The following GUF1 variants were observed in gnomAD, a reference collection of about 807,000 sequenced individuals.
GUF1 encodes the protein GTP binding elongation factor GUF1.
Under a neutral mutation model 82.4 loss-of-function variants are expected in GUF1, and 78 were observed. The ratio of observed to expected loss-of-function variants is 0.95; its 90% confidence interval spans 0.79 to 1.14. The LOEUF is 1.14. GUF1 is among the 50% of genes most tolerant of loss of function. The probability of loss-of-function intolerance (pLI) is 0.00; values close to 1 mark genes in which losing one functional copy is unlikely to be tolerated. For synonymous variants in GUF1, 279 were observed against 282.3 expected (o/e 0.99, Z 0.12); for missense variants, 814 against 798.2 (o/e 1.02, Z -0.24).
At chr4:44,695,328 TTAAAA>T (rs1199989611) in intron 14 of GUF1, among the ~76,000 whole-genome samples, 3 of 152,316 alleles carry the variant, frequency 2.0e-5, no homozygotes, top group East Asian at 1.9e-4. Context: ...AGATAACTGT[TTAAAA>T]TAATCATTCC....
Position 44,694,502 on chromosome 4 carries a change from T to A in GUF1, c.1704T>A (p.Thr568=), listed in dbSNP as rs373878710. Residue 568 remains threonine (T), a synonymous_variant, in exon 14 of 17, where the codon ACT becomes ACA. Coordinates refer to ENST00000281543, the MANE Select transcript of GUF1 (RefSeq NM_021927.3). ...GAAATACTGTAGAGGAGCTAGTAAC[T>A]GTTGTACACAAGTAAGTTCAATAGA... The part of the protein sequence containing the change: ...LNGNTVEELV[T]VVHKDKAHSI... The A allele has an allele frequency of 2.7e-5, 42 of 1,558,962 alleles. No homozygotes were observed. The highest frequency in any genetic ancestry group is 3.7e-5 in the Non-Finnish European group (42 of 1,132,816).
intron 15 of GUF1, 114 bp downstream of exon 15, chr4:44,695,848 A>AC (rs1219361260): frequency 1.9e-6 from 2 of 1,039,632 alleles, no homozygotes; most frequent in African/African-American, 1.6e-5. Flanking sequence ...TTACTTGTAG[A>AC]AACAGTATGA....
intron 8 of GUF1, among the ~76,000 whole-genome samples, chr4:44,687,373 A>G (rs1393143586): frequency 6.7e-6 from 1 of 150,282 alleles, no homozygotes; most frequent in African/African-American, 2.4e-5. Flanking sequence ...ATATTGAGTC[A>G]GAAAGTCTAT....
Position 44,697,462 on chromosome 4 carries a change from T to G in GUF1, c.1872+18T>G, listed in dbSNP as rs763052309. ...CAAAATGTGTATGTATCTAGTTGTA[T>G]TTATTCTACTTTATAACTTTTATGG... On this transcript the variant is annotated intron_variant, in intron 16 of 16. Transcript: ENST00000281543. 3.7e-6 allele frequency: 5 copies of G among 1,342,960 alleles called. No individual in the cohort carries two copies. In the South Asian group the frequency reaches 5.0e-5, roughly 14 times the overall value. 83.2% of individuals were successfully genotyped at this position (1,342,960 alleles called of 1,614,324 possible). A position where few individuals can be genotyped will look rare whatever the true frequency, so the allele number is the denominator to read the frequency against.
chr4:44,687,884 T>C (rs1207955912), intron 8 of GUF1, 123 bp from the exon 9 acceptor site: 7 of 799,084 alleles, frequency 8.8e-6, no homozygotes, highest in East Asian at 2.7e-5. Context: ...GTAGCACTTA[T>C]TTTCAAAGTG....
chr4:44,681,047 G>T (rs1714744867), intron 3 of GUF1, 76 bp from the exon 4 acceptor site: 16 of 1,309,488 alleles, frequency 1.2e-5, no homozygotes, highest in Non-Finnish European at 1.6e-5. Flanking sequence ...ATCAAGTAAA[G>T]TCAATAAATT....
rs1716197161 is a variant in GUF1, at chr4:44,700,853, ACAG to A, written c.*2173_*2175del. ...CTCCCTCTTCCAGGTTCTGATAAAA[ACAG>A]ATGAAATCTGAAAGACCATGACAGT... On this transcript the variant is annotated 3_prime_UTR_variant, in exon 17 of 17. Transcript: ENST00000281543. The A allele has an allele frequency of 6.6e-6, 1 of 152,188 alleles. No individual in the cohort carries two copies. The highest frequency in any genetic ancestry group is 1.5e-5 in the Non-Finnish European group (1 of 68,042). 9.4% of individuals were successfully genotyped at this position (152,188 alleles called of 1,614,324 possible). A position where few individuals can be genotyped will look rare whatever the true frequency, so the allele number is the denominator to read the frequency against.
In GUF1 at chr4:44,695,634, G is replaced by T. The variant is rs1478461945; in HGVS notation, c.1735G>T (p.Gly579Cys). The T allele has an allele frequency of 1.2e-6, 2 of 1,611,364 alleles. No individual in the cohort carries two copies. Among genetic ancestry groups the T allele is most frequent in the African/African-American group, 1.3e-5 (1 of 74,766 alleles). Residue 579 changes from glycine to cysteine, a missense_variant, in exon 15 of 17, where the codon GGC becomes TGC. Physicochemically the swap from Gly to Cys is radical, Grantham distance 159. Coordinates refer to ENST00000281543, the MANE Select transcript of GUF1 (RefSeq NM_021927.3). ...VVHKDKAHSIGKAICERLKDS... is the reference protein window; with the variant it reads ...VVHKDKAHSICKAICERLKDS... ...TCTCAGAGACAAAGCTCATTCAATT[G>T]GCAAAGCCATATGTGAACGGCTGAA...
chr4:44,681,033 T>C (rs1714744081), intron 3 of GUF1, 90 bp from the exon 4 acceptor site: 1 of 1,236,412 alleles, frequency 8.1e-7, no homozygotes, highest in African/African-American at 1.5e-5. Flanking sequence ...ATTTAACAGC[T>C]TTTATCAAGT....
At position 44,694,408 on chromosome 4, in the gene GUF1, T is replaced by G. The variant is rs1490802784; in HGVS notation, c.1614-4T>G. 6.3e-7 allele frequency: 1 copy of G among 1,593,570 alleles called. No individual in the cohort carries two copies. Among genetic ancestry groups the G allele is most frequent in the South Asian group, 1.1e-5 (1 of 90,194 alleles). On this transcript the variant is annotated splice_polypyrimidine_tract_variant and splice_region_variant and intron_variant, in intron 13 of 16. Transcript: ENST00000281543. Reference sequence around the variant, plus strand: ...ATTTATCACTTGGACTTTTTTCCTTTTAGTTTTGATTACGAAGATGCAGGC... The same window carrying G: ...ATTTATCACTTGGACTTTTTTCCTTGTAGTTTTGATTACGAAGATGCAGGC...
chr4:44,694,340 A>ATACT, intron 13 of GUF1, 72 bp from the exon 14 acceptor site: 1 of 868,852 alleles, frequency 1.2e-6, no homozygotes, highest in Non-Finnish European at 1.9e-6. Flanking sequence ...GACATTTAGT[A>ATACT]AAGAGTAAAG....
intron 14 of GUF1, among the ~76,000 whole-genome samples, chr4:44,695,291 CA>C (rs1411536212): frequency 1.3e-5 from 2 of 151,780 alleles, no homozygotes; most frequent in Admixed American, 6.6e-5. Context: ...ACTGATCATA[CA>C]AAAAAATGCA....
Position 44,686,664 on chromosome 4 carries a change from G to GT in GUF1, c.891dup (p.Asn298Ter). 6.2e-7 allele frequency: 1 copy of GT among 1,611,786 alleles called. No individual in the cohort carries two copies. Among genetic ancestry groups the GT allele is most frequent in the Non-Finnish European group, 8.5e-7 (1 of 1,178,310 alleles). The stretch of plus-strand genomic sequence containing the variant: ...TGCACATACTCAAAAGACATACGAA[G>GT]TTAATGAAGTAGGAGTCTTGAATCC... On this transcript the variant is annotated frameshift_variant, in exon 8 of 17. Transcript: ENST00000281543. LOFTEE classifies it high-confidence loss of function.
At chr4:44,688,484 A>G (rs934849021) in intron 9 of GUF1, among the ~76,000 whole-genome samples, 2 of 151,966 alleles carry the variant, frequency 1.3e-5, no homozygotes, top group African/African-American at 4.8e-5. Context: ...AGTAATTATC[A>G]GTAGACACTG....
At chr4:44,680,891 C>T in intron 3 of GUF1, 49 bp downstream of exon 3, 1 of 1,465,284 alleles carries the variant, frequency 6.8e-7, no homozygotes, top group Non-Finnish European at 9.5e-7. Flanking sequence ...AACATTGTGT[C>T]AGTAGTGCAA....
chr4:44,695,615 A>G lies in GUF1; in HGVS notation c.1716A>G (p.Lys572=). 1 of 1,607,354 alleles carries G rather than the reference A, an allele frequency of 6.2e-7. No homozygotes were observed. The highest frequency in any genetic ancestry group is 8.5e-7 in the Non-Finnish European group (1 of 1,177,602). ...TVEELVTVVH[K]DKAHSIGKAI... The stretch of plus-strand genomic sequence containing the variant: ...AAACAGTTGTATTTTTCTGTCTCAG[A>G]GACAAAGCTCATTCAATTGGCAAAG... The change falls in exon 15 of 17, where the codon AAA becomes AAG. Residue 572 remains lysine, a splice_region_variant and synonymous_variant. Transcript: ENST00000281543.
chr4:44,688,380 A>G (rs74342470), intron 9 of GUF1, among the ~76,000 whole-genome samples: 15 of 152,036 alleles, frequency 9.9e-5, no homozygotes, highest in African/African-American at 1.4e-4. Flanking sequence ...AGAAGCTGTG[A>G]TATATAGGAT....
intron 11 of GUF1, 140 bp downstream of exon 11, chr4:44,690,115 T>C: frequency 2.0e-6 from 1 of 505,642 alleles, no homozygotes; most frequent in Non-Finnish European, 3.1e-6. Flanking sequence ...ATTTATTGAT[T>C]AGTAGTAATA....
At chr4:44,681,076 T>TA in intron 3 of GUF1, 47 bp from the exon 4 acceptor site, 1 of 1,505,130 alleles carries the variant, frequency 6.6e-7, no homozygotes, top group African/African-American at 1.4e-5. Flanking sequence ...TGCTCTTTCC[T>TA]AAAAAATTAA....
Sources: gnomAD v4.1 joint callset for allele counts (sites outside exome capture counted in the v4.1 genomes callset) on GRCh38, gnomAD v4.1.1 for gene constraint, MANE v1.5 for transcripts, NCBI Gene and HGNC (gene_info 2026-07-23, HGNC 2026-07-21) for gene names.